Variants in PARM1 observed in about 807,000 individuals in gnomAD.
PARM1 encodes the protein prostate androgen-regulated mucin-like protein 1.
Under a neutral mutation model 24.6 loss-of-function variants are expected in PARM1, and 14 were observed. The ratio of observed to expected loss-of-function variants is 0.57; its 90% CI spans 0.38 to 0.89. PARM1 has a LOEUF of 0.89. PARM1 is among the 40% of genes least tolerant of loss of function. The pLI, the probability that PARM1 is intolerant of heterozygous loss-of-function variation, is 0.00. For missense variants in PARM1, 362 were observed against 380.4 expected (o/e 0.95, Z 0.40); for synonymous variants, 179 against 156.6 (o/e 1.14, Z -1.07).
rs566836375 is a variant in PARM1 at position 75,008,944 on chromosome 4, G to T, written c.44-3481G>T. Among the ~76,000 whole-genome samples the T allele has an allele frequency of 2.0e-5, 3 of 150,952 alleles. No individual in the cohort carries two copies. In the East Asian group the frequency reaches 5.8e-4, roughly 29 times the overall value. ...TGTCATTTTTTTTTTTTTGCCCTTGGAATCTTCAATCAGCCATGACAGCTG... is the reference window on the plus strand; with the variant it reads ...TGTCATTTTTTTTTTTTTGCCCTTGTAATCTTCAATCAGCCATGACAGCTG... On this transcript the variant is annotated intron_variant, in intron 1 of 3. Transcript: ENST00000307428.
intron 1 of PARM1, among the ~76,000 whole-genome samples, chr4:74,976,230 C>A (rs1445438144): frequency 6.6e-6 from 1 of 152,162 alleles, no homozygotes; most frequent in Non-Finnish European, 1.5e-5. Context: ...GGGGTGATGA[C>A]CATCACTGTG....
At chr4:74,980,644 C>T (rs146924567) in intron 1 of PARM1, among the ~76,000 whole-genome samples, 25 of 152,186 alleles carry the variant, frequency 1.6e-4, no homozygotes, top group African/African-American at 4.6e-4. Flanking sequence ...AAAAATAGCC[C>T]GTATAGCCAA....
chr4:74,996,223 C>T (rs1482833381), intron 1 of PARM1, among the ~76,000 whole-genome samples: 3 of 152,074 alleles, frequency 2.0e-5, no homozygotes, highest in Non-Finnish European at 4.4e-5. Flanking sequence ...ATACCACATT[C>T]TAACTTCATG....
At chr4:74,963,089 G>A (rs924116961) in intron 1 of PARM1, among the ~76,000 whole-genome samples, 11 of 152,166 alleles carry the variant, frequency 7.2e-5, no homozygotes, top group African/African-American at 2.2e-4. Context: ...TGAAGAAGGT[G>A]CCTGTTTCTC....
chr4:74,942,822 T>C (rs892944069), intron 1 of PARM1, among the ~76,000 whole-genome samples: 1 of 152,178 alleles, frequency 6.6e-6, no homozygotes, highest in Non-Finnish European at 1.5e-5. Flanking sequence ...AGCGAATTCA[T>C]TGGAACTATA....
intron 1 of PARM1, among the ~76,000 whole-genome samples, chr4:74,947,844 ACCTCCT>A (rs1721438872): frequency 6.6e-6 from 1 of 152,078 alleles, no homozygotes; most frequent in Non-Finnish European, 1.5e-5. Context: ...AGTCCTCTAG[ACCTCCT>A]AGTTGCTTGC....
chr4:74,969,201 T>C (rs1560778886), intron 1 of PARM1, among the ~76,000 whole-genome samples: 1 of 152,150 alleles, frequency 6.6e-6, no homozygotes, highest in Non-Finnish European at 1.5e-5. Flanking sequence ...CTTACAGAAG[T>C]ACCCAGAGAG....
chr4:74,947,512 G>T lies in PARM1; in HGVS notation c.43+14142G>T, dbSNP rs75139439. On this transcript the variant is annotated intron_variant, in intron 1 of 3. Coordinates refer to ENST00000307428, the MANE Select transcript of PARM1 (RefSeq NM_015393.4). ...ACTGCAATAATAAATGATGACATTT[G>T]TAAGACGATGGTGAATTTTAACACT... Among the ~76,000 whole-genome samples, 316 of 152,298 alleles carry T rather than the reference G, an allele frequency of 2.1e-3. 6 individuals carry two copies. The East Asian group carries it at 0.054, about 26-fold the overall frequency.
chr4:75,039,597 G>A (rs189748182), intron 3 of PARM1, among the ~76,000 whole-genome samples: 12 of 152,244 alleles, frequency 7.9e-5, no homozygotes, highest in Admixed American at 6.5e-4. Context: ...AGTAGGTCCA[G>A]GTGGGGCCCT....
At chr4:74,953,727 T>C (rs1054739005) in intron 1 of PARM1, among the ~76,000 whole-genome samples, 6 of 152,196 alleles carry the variant, frequency 3.9e-5, no homozygotes, top group African/African-American at 1.4e-4. Flanking sequence ...ATGATAATTC[T>C]TCCAGAATGA....
chr4:74,987,143 A>G (rs1372724968), intron 1 of PARM1, among the ~76,000 whole-genome samples: 1 of 152,044 alleles, frequency 6.6e-6, no homozygotes, highest in Non-Finnish European at 1.5e-5. Context: ...CTTTTTATGC[A>G]TGTGATAAGA....
chr4:75,001,732 A>T (rs1393503250), intron 1 of PARM1, among the ~76,000 whole-genome samples: 1 of 152,210 alleles, frequency 6.6e-6, no homozygotes, highest in African/African-American at 2.4e-5. Context: ...TGGCAGAGAG[A>T]AGAGAAAGAG....
chr4:75,010,890 A>G (rs1165493211), intron 1 of PARM1, among the ~76,000 whole-genome samples: 1 of 152,214 alleles, frequency 6.6e-6, no homozygotes, highest in Non-Finnish European at 1.5e-5. Context: ...TTTATAAAGA[A>G]AAGAGGTTTG....
At chr4:74,967,734 G>A (rs935336879) in intron 1 of PARM1, 2 of 152,180 alleles carry the variant, frequency 1.3e-5, no homozygotes, top group African/African-American at 4.8e-5. Flanking sequence ...TACCTGTAAA[G>A]TCTTGTTCTG....
intron 1 of PARM1, among the ~76,000 whole-genome samples, chr4:74,999,641 TAAAC>T (rs770952846): frequency 2.6e-5 from 4 of 152,184 alleles, no homozygotes; most frequent in African/African-American, 4.8e-5. Flanking sequence ...GAATTGAACT[TAAAC>T]AAATAAAAAT....
At chr4:74,975,140 A>G (rs191494214) in intron 1 of PARM1, among the ~76,000 whole-genome samples, 1 of 152,306 alleles carries the variant, frequency 6.6e-6, no homozygotes, top group African/African-American at 2.4e-5. Context: ...CAAAGCTAGA[A>G]CAGGTGGACT....
At chr4:74,984,564 C>T (rs945605123) in intron 1 of PARM1, among the ~76,000 whole-genome samples, 2 of 152,164 alleles carry the variant, frequency 1.3e-5, no homozygotes, top group Non-Finnish European at 2.9e-5. Context: ...TATATGTTTT[C>T]CAAAAGGTTC....
intron 1 of PARM1, among the ~76,000 whole-genome samples, chr4:74,933,743 T>C (rs1721117643): frequency 6.6e-6 from 1 of 152,160 alleles, no homozygotes; most frequent in Admixed American, 6.5e-5. Context: ...GACTTCTTGT[T>C]GCCGTTGGGC....
chr4:74,980,393 G>A (rs372471422), intron 1 of PARM1, among the ~76,000 whole-genome samples: 7 of 152,038 alleles, frequency 4.6e-5, no homozygotes, highest in East Asian at 1.9e-4. Flanking sequence ...AAAATACCTC[G>A]GAATACAGTT....
Sources: gnomAD v4.1 joint callset for allele counts (sites outside exome capture counted in the v4.1 genomes callset) on GRCh38, gnomAD v4.1.1 for gene constraint, MANE v1.5 for transcripts, NCBI Gene and HGNC (gene_info 2026-07-23, HGNC 2026-07-21) for gene names.